The following PCDH15 variants were observed in gnomAD, a reference collection of about 807,000 sequenced individuals.
PCDH15 encodes protocadherin-15.
A neutral mutation model predicts 178.5 loss-of-function variants in PCDH15; 129 were observed. That is an observed-to-expected ratio of 0.72 (90% CI 0.63 to 0.84). The LOEUF (loss-of-function observed/expected upper bound fraction) is 0.84. PCDH15 is among the 40% of genes least tolerant of loss of function. The probability of loss-of-function intolerance (pLI) is 0.00; values close to 1 mark genes in which losing one functional copy is unlikely to be tolerated. For missense variants in PCDH15, 2,230 were observed against 2,099.9 expected (o/e 1.06, Z -1.21); for synonymous variants, 800 against 732.0 (o/e 1.09, Z -1.50).
Position 54,066,898 on chromosome 10 carries a change from C to T in PCDH15, c.2092-13G>A, listed in dbSNP as rs1369399051. 1 of 1,612,292 alleles carries T rather than the reference C, an allele frequency of 6.2e-7. No homozygotes were observed. The highest frequency in any genetic ancestry group is 1.3e-5 in the African/African-American group (1 of 75,004). On this transcript the variant is annotated splice_polypyrimidine_tract_variant and intron_variant, in intron 17 of 37. Coordinates refer to ENST00000644397, the MANE Select transcript of PCDH15 (RefSeq NM_001384140.1). ...TGGCAGTTGAGGTCTTAAAGAAAAACACAAGCATTAAATGTGAGAGGAGCT... is the reference window on the plus strand; with the variant it reads ...TGGCAGTTGAGGTCTTAAAGAAAAATACAAGCATTAAATGTGAGAGGAGCT...
chr10:55,192,860 T>G (rs1839981006), intron 1 of PCDH15, among the ~76,000 whole-genome samples: 1 of 151,518 alleles, frequency 6.6e-6, no homozygotes, highest in African/African-American at 2.4e-5. Context: ...TAATGTATTT[T>G]ATGAGTTTAT....
chr10:54,390,266 G>C (rs1170213267), intron 3 of PCDH15, among the ~76,000 whole-genome samples: 2 of 147,728 alleles, frequency 1.4e-5, no homozygotes, highest in Admixed American at 6.9e-5. Flanking sequence ...CCTGCCAATA[G>C]TGACAATGAC....
chr10:54,655,428 G>GGTGTGTGTGTGTGTGTGTGT (rs371162241), intron 2 of PCDH15: 3 of 141,866 alleles, frequency 2.1e-5, no homozygotes. Flanking sequence ...TGTGTGGTGG[G>GGTGTGTGTGTGTGTGTGTGT]GTGTGTGTGT....
At chr10:54,212,136 A>C (rs1390053431) in intron 10 of PCDH15, among the ~76,000 whole-genome samples, 1 of 152,148 alleles carries the variant, frequency 6.6e-6, no homozygotes, top group African/African-American at 2.4e-5. Context: ...GTTTGGAAAC[A>C]GTGCTTTGTC....
intron 19 of PCDH15, among the ~76,000 whole-genome samples, chr10:54,021,157 CG>C (rs1304040602): frequency 6.6e-6 from 1 of 152,004 alleles, no homozygotes; most frequent in Non-Finnish European, 1.5e-5. Flanking sequence ...AAATTGGGAA[CG>C]ATATCCTTTA....
intron 3 of PCDH15, among the ~76,000 whole-genome samples, chr10:54,394,893 A>G (rs977209910): frequency 2.0e-5 from 3 of 151,956 alleles, no homozygotes; most frequent in African/African-American, 7.3e-5. Context: ...TATTTCTCCC[A>G]TTTGCTTTTG....
chr10:55,123,535 A>AT (rs1246103740), intron 2 of PCDH15, among the ~76,000 whole-genome samples: 1 of 152,158 alleles, frequency 6.6e-6, no homozygotes, highest in Non-Finnish European at 1.5e-5. Context: ...CTCATGGATG[A>AT]TTTTTAACCC....
chr10:53,810,891 T>G (rs2075840590), intron 36 of PCDH15, among the ~76,000 whole-genome samples: 1 of 152,162 alleles, frequency 6.6e-6, no homozygotes, highest in African/African-American at 2.4e-5. Context: ...TAAAGAGAGT[T>G]GAGTTATTTC....
At chr10:53,845,164 A>G (rs553527027) in intron 28 of PCDH15, among the ~76,000 whole-genome samples, 1 of 152,084 alleles carries the variant, frequency 6.6e-6, no homozygotes, top group African/African-American at 2.4e-5. Flanking sequence ...CAAAATCACA[A>G]TGAAATATTA....
intron 6 of PCDH15, among the ~76,000 whole-genome samples, chr10:54,342,791 A>G (rs1160176872): frequency 3.3e-5 from 5 of 152,150 alleles, no homozygotes; most frequent in Non-Finnish European, 7.4e-5. Flanking sequence ...CTTTGCATTA[A>G]TGTGCCCTGG....
At chr10:54,281,773 AAATGAAGATGCTAT>A (rs1288161549) in intron 8 of PCDH15, among the ~76,000 whole-genome samples, 3 of 152,054 alleles carry the variant, frequency 2.0e-5, no homozygotes, top group Non-Finnish European at 4.4e-5. Flanking sequence ...AATAAATATG[AAATGAAGATGCTAT>A]AATTAAACTG....
intron 1 of PCDH15, among the ~76,000 whole-genome samples, chr10:54,673,324 C>T (rs7900639): frequency 0.094 from 14,275 of 151,804 alleles, 806 homozygotes; most frequent in African/African-American, 0.15. Context: ...ATATGCGGTG[C>T]TTGGTTTTTC....
At chr10:55,255,087 T>C (rs1424266516) in intron 1 of PCDH15, among the ~76,000 whole-genome samples, 1 of 152,168 alleles carries the variant, frequency 6.6e-6, no homozygotes, top group Non-Finnish European at 1.5e-5. Flanking sequence ...TATCTCCTAA[T>C]GCTATCCCTC....
chr10:55,576,121 C>T (rs978038698), intron 2 of PCDH15, among the ~76,000 whole-genome samples: 4 of 152,064 alleles, frequency 2.6e-5, no homozygotes, highest in Non-Finnish European at 5.9e-5. Context: ...ACTTTTGACT[C>T]CCCCGAAATT....
At chr10:54,025,291 C>A (rs1467151066) in intron 18 of PCDH15, among the ~76,000 whole-genome samples, 4 of 152,068 alleles carry the variant, frequency 2.6e-5, no homozygotes, top group African/African-American at 7.2e-5. Context: ...CTCTATAGGT[C>A]AAAAATTCAA....
intron 1 of PCDH15, among the ~76,000 whole-genome samples, chr10:54,789,223 G>A (rs2133529864): frequency 6.6e-6 from 1 of 151,948 alleles, no homozygotes; most frequent in South Asian, 2.1e-4. Flanking sequence ...AATCCTTAAA[G>A]ACATACTATG....
intron 2 of PCDH15, among the ~76,000 whole-genome samples, chr10:55,051,996 G>A (rs1042588734): frequency 9.2e-5 from 14 of 152,022 alleles, no homozygotes; most frequent in Middle Eastern, 3.4e-3. Flanking sequence ...AAATAAATGT[G>A]AGGATACTGT....
chr10:54,460,861 T>C (rs957183074), intron 3 of PCDH15, among the ~76,000 whole-genome samples: 1 of 152,090 alleles, frequency 6.6e-6, no homozygotes, highest in African/African-American at 2.4e-5. Context: ...GAGTGTTAAA[T>C]AGCCAATGCT....
chr10:54,605,882 A>AG (rs1278248984), intron 2 of PCDH15: 1 of 152,122 alleles, frequency 6.6e-6, no homozygotes, highest in Non-Finnish European at 1.5e-5. Context: ...CTAGTTCCTC[A>AG]GGTAGCAGCT....
Sources: allele counts gnomAD v4.1 joint callset (sites outside exome capture counted in the v4.1 genomes callset), GRCh38; gene constraint gnomAD v4.1.1; transcripts MANE v1.5; gene names NCBI Gene and HGNC (gene_info 2026-07-23, HGNC 2026-07-21).